EPB41L4B: variants seen among roughly 807,000 people sequenced by gnomAD.
EPB41L4B encodes the protein erythrocyte membrane protein band 4.1 like 4B.
In EPB41L4B, 30 loss-of-function variants were observed where a neutral mutation model predicts 112.5. That is an observed-to-expected ratio of 0.27 (90% CI 0.20 to 0.36). The LOEUF (loss-of-function observed/expected upper bound fraction) is 0.36, where lower values mean the gene tolerates loss of function less well. Among genes scored for constraint, EPB41L4B ranks in the 10% least tolerant of loss-of-function variants. The pLI is 1.00. For synonymous variants in EPB41L4B, 408 were observed against 439.7 expected, an observed-to-expected ratio of 0.93 and a Z score of 0.90; for missense variants, 1,024 against 1,133.3, an observed-to-expected ratio of 0.90 and a Z score of 1.38.
chr9:109,226,699 T>A (rs1373832239), intron 15 of EPB41L4B, among the ~76,000 whole-genome samples: 3 of 101,922 alleles, frequency 2.9e-5, no homozygotes, highest in Admixed American at 1.0e-4. Context: ...TATATATGAA[T>A]ATATATATGA....
intron 1 of EPB41L4B, among the ~76,000 whole-genome samples, chr9:109,288,288 GAA>G (rs1038626047): frequency 6.6e-6 from 1 of 152,162 alleles, no homozygotes; most frequent in Non-Finnish European, 1.5e-5. Context: ...AGAACCGTAA[GAA>G]AAAGTTTCTG....
intron 1 of EPB41L4B, among the ~76,000 whole-genome samples, chr9:109,296,342 C>A (rs1836728677): frequency 6.6e-6 from 1 of 152,194 alleles, no homozygotes; most frequent in African/African-American, 2.4e-5. Flanking sequence ...GTTTTGGAAT[C>A]TCATAATACA....
rs1333464258 is a variant in EPB41L4B at position 109,288,876 on chromosome 9, A to G, written c.307-8955T>C. Among the ~76,000 whole-genome samples the G allele has an allele frequency of 2.6e-5, 4 of 151,480 alleles. 1 individual carries two copies. Among genetic ancestry groups the G allele is most frequent in the Non-Finnish European group, 5.9e-5 (4 of 67,924 alleles). On this transcript the variant is annotated intron_variant, in intron 1 of 25. Transcript: ENST00000374566. ...TTCATGCCACTGCACTCTAGCCTGG[A>G]TAACACAGCAAGACCTTGTCAAAAA...
At chr9:109,307,261 G>A (rs1339260871) in intron 1 of EPB41L4B, 1 of 493,842 alleles carries the variant, frequency 2.0e-6, no homozygotes, top group Non-Finnish European at 4.0e-6. Flanking sequence ...TTAATTAAGA[G>A]GAACTTCATC....
At chr9:109,304,142 T>G (rs1837082995) in intron 1 of EPB41L4B, among the ~76,000 whole-genome samples, 1 of 152,158 alleles carries the variant, frequency 6.6e-6, no homozygotes, top group South Asian at 2.1e-4. Context: ...TTGTAAAGAT[T>G]TTGTGAGAAT....
At chr9:109,277,801 G>T (rs1365575979) in intron 2 of EPB41L4B, among the ~76,000 whole-genome samples, 1 of 152,182 alleles carries the variant, frequency 6.6e-6, no homozygotes, top group African/African-American at 2.4e-5. Flanking sequence ...GGCAGAAGGA[G>T]ACCGCTGTGG....
chr9:109,182,259 C>T (rs558654520), intron 24 of EPB41L4B, among the ~76,000 whole-genome samples: 8 of 152,236 alleles, frequency 5.3e-5, no homozygotes, highest in African/African-American at 1.7e-4. Flanking sequence ...TTGATACATG[C>T]GTGGATGAAC....
chr9:109,187,793 A>T (rs566753261), intron 22 of EPB41L4B, among the ~76,000 whole-genome samples: 1 of 152,320 alleles, frequency 6.6e-6, no homozygotes, highest in Admixed American at 6.5e-5. Flanking sequence ...CCACCAACTG[A>T]AGAACATAAT....
intron 15 of EPB41L4B, among the ~76,000 whole-genome samples, chr9:109,221,791 T>C (rs551969341): frequency 6.6e-6 from 1 of 152,320 alleles, no homozygotes; most frequent in South Asian, 2.1e-4. Flanking sequence ...AGATGTCTTG[T>C]AGCAGAGATC....
intron 24 of EPB41L4B, among the ~76,000 whole-genome samples, chr9:109,179,638 A>G (rs1214379492): frequency 1.3e-5 from 2 of 152,122 alleles, no homozygotes; most frequent in Non-Finnish European, 2.9e-5. Context: ...TCTCCCAACC[A>G]AGTCTTTTTC....
chr9:109,250,445 G>A (rs949438171), intron 13 of EPB41L4B, among the ~76,000 whole-genome samples: 34 of 152,156 alleles, frequency 2.2e-4, no homozygotes, highest in Admixed American at 3.9e-4. Flanking sequence ...TGAGACCTGC[G>A]CCTGGGATGA....
intron 1 of EPB41L4B, among the ~76,000 whole-genome samples, chr9:109,317,026 G>A (rs951070911): frequency 6.6e-6 from 1 of 152,030 alleles, no homozygotes; most frequent in Non-Finnish European, 1.5e-5. Context: ...GATTGCTTGC[G>A]GCTAGGAGAT....
chr9:109,293,857 G>A (rs1836631931), intron 1 of EPB41L4B, among the ~76,000 whole-genome samples: 1 of 152,124 alleles, frequency 6.6e-6, no homozygotes, highest in Non-Finnish European at 1.5e-5. Flanking sequence ...ATTGAAAAGA[G>A]GAGAAGGGGA....
At chr9:109,281,945 C>T (rs992216222) in intron 1 of EPB41L4B, among the ~76,000 whole-genome samples, 2 of 152,110 alleles carry the variant, frequency 1.3e-5, no homozygotes, top group Admixed American at 1.3e-4. Flanking sequence ...TACACAAATG[C>T]TCATAGCAGT....
chr9:109,200,233 C>CA lies in EPB41L4B; in HGVS notation c.2045+2dup. On this transcript the variant is annotated splice_region_variant and intron_variant, in intron 20 of 25. Transcript: ENST00000374566. ...ATTGAAAAAGTTGCAGTACAGAACT[C>CA]ACAAACTATACTGTCTTGTTAACTT... 6.2e-7 allele frequency: 1 copy of CA among 1,612,824 alleles called. No homozygotes were observed. The highest frequency in any genetic ancestry group is 8.5e-7 in the Non-Finnish European group (1 of 1,178,894).
At chr9:109,200,781 T>TAAA (rs112135762) in intron 19 of EPB41L4B, among the ~76,000 whole-genome samples, 1 of 150,906 alleles carries the variant, frequency 6.6e-6, no homozygotes, top group Non-Finnish European at 1.5e-5. Flanking sequence ...ATTTTTTTTT[T>TAAA]AAAAAAAGAT....
chr9:109,284,405 T>A (rs1176839200), intron 1 of EPB41L4B, among the ~76,000 whole-genome samples: 1 of 152,172 alleles, frequency 6.6e-6, no homozygotes, highest in Non-Finnish European at 1.5e-5. Flanking sequence ...CGCGGATGGC[T>A]TTGTTCCCAA....
intron 1 of EPB41L4B, among the ~76,000 whole-genome samples, chr9:109,308,564 G>A (rs757369329): frequency 2.6e-5 from 4 of 152,142 alleles, no homozygotes; most frequent in Non-Finnish European, 4.4e-5. Context: ...AACATTGGCC[G>A]AATATCTGAC....
chr9:109,233,141 T>G (rs921807488), intron 15 of EPB41L4B, among the ~76,000 whole-genome samples: 40 of 152,314 alleles, frequency 2.6e-4, no homozygotes, highest in South Asian at 2.5e-3. Context: ...TACAGGGATG[T>G]TCCTCTAATT....
Sources: allele counts gnomAD v4.1 joint callset (sites outside exome capture counted in the v4.1 genomes callset), GRCh38; gene constraint gnomAD v4.1.1; transcripts MANE v1.5; gene names NCBI Gene and HGNC (gene_info 2026-07-23, HGNC 2026-07-21).